ADGRF5: variants seen among roughly 807,000 people sequenced by gnomAD.
The protein encoded by ADGRF5 is G-protein coupled receptor 116.
ADGRF5 carries 75 observed loss-of-function variants against 132.3 expected under a neutral mutation model. That is an observed-to-expected ratio of 0.57 (90% CI 0.47 to 0.69). ADGRF5 has a LOEUF of 0.69. Among genes scored for constraint, ADGRF5 ranks in the 30% least tolerant of loss-of-function variants. The pLI, the probability that ADGRF5 is intolerant of heterozygous loss-of-function variation, is 0.00. For synonymous variants in ADGRF5, 629 were observed against 597.6 expected, an observed-to-expected ratio of 1.05 and a Z score of -0.77; for missense variants, 1,516 against 1,630.6, an observed-to-expected ratio of 0.93 and a Z score of 1.21.
intron 1 of ADGRF5, among the ~76,000 whole-genome samples, chr6:46,912,122 C>T (rs906806142): frequency 6.6e-6 from 1 of 151,986 alleles, no homozygotes; most frequent in Non-Finnish European, 1.5e-5. Flanking sequence ...AAATAACTTG[C>T]CTGAGATAAC....
chr6:46,900,364 C>A (rs1366623759), intron 2 of ADGRF5, among the ~76,000 whole-genome samples: 2 of 152,096 alleles, frequency 1.3e-5, no homozygotes, highest in African/African-American at 4.8e-5. Context: ...AGAGTTCCTG[C>A]AGTTTGAATC....
Position 46,892,575 on chromosome 6 carries a change from C to T in ADGRF5, c.158-4070G>A, listed in dbSNP as rs144521770. Reference sequence around the variant, plus strand: ...GACCTGCCTGGCCAACACAGTGAAACGCCATCTCTACTAAAAATACAAAAA... The same window carrying T: ...GACCTGCCTGGCCAACACAGTGAAATGCCATCTCTACTAAAAATACAAAAA... On this transcript the variant is annotated intron_variant, in intron 3 of 20. Coordinates refer to ENST00000283296, the MANE Select transcript of ADGRF5 (RefSeq NM_001098518.2). Among the ~76,000 whole-genome samples, 1,351 of 152,080 alleles carry T rather than the reference C, an allele frequency of 8.9e-3. 20 individuals are homozygous for T. Among genetic ancestry groups the T allele is most frequent in the African/African-American group, 0.029 (1,199 of 41,490 alleles).
At chr6:46,931,755 T>C (rs1263927713) in intron 1 of ADGRF5, among the ~76,000 whole-genome samples, 5 of 152,006 alleles carry the variant, frequency 3.3e-5, no homozygotes, top group Non-Finnish European at 7.4e-5. Flanking sequence ...AGACTGAGGG[T>C]TTGCATCTCA....
intron 8 of ADGRF5, 51 bp downstream of exon 8, chr6:46,881,404 G>A (rs780546047): frequency 6.6e-7 from 1 of 1,514,438 alleles, no homozygotes; most frequent in Non-Finnish European, 9.1e-7. Flanking sequence ...AATTTCCTAG[G>A]TTTACGCATA....
Position 46,865,122 on chromosome 6 carries a change from G to C in ADGRF5, c.1910C>G (p.Thr637Ser). 6.2e-7 allele frequency: 1 copy of C among 1,610,974 alleles called. No individual in the cohort carries two copies. Among genetic ancestry groups the C allele is most frequent in the East Asian group, 2.2e-5 (1 of 44,860 alleles). Residue 637 changes from threonine to serine, a missense_variant, in exon 14 of 21, where the codon ACT becomes AGT. Around this residue, in one of 2 missense-constraint regions of ADGRF5, gnomAD observed 945 missense variants for 929.4 expected, o/e 1.02. Coordinates refer to ENST00000283296, the MANE Select transcript of ADGRF5 (RefSeq NM_001098518.2). Reference sequence around the variant, plus strand: ...GGTAAAGTGACAACACACATCAACAGTTTTTGAACACCAGGAAACTGAGCT... The same window carrying C: ...GGTAAAGTGACAACACACATCAACACTTTTTGAACACCAGGAAACTGAGCT... The part of the protein sequence containing the change: ...NASSVSWCSK[T>S]VDVCCHFTNA...
chr6:46,874,132 T>G lies in ADGRF5; in HGVS notation c.1241-2119A>C, dbSNP rs138234404. 3.9e-5 allele frequency among the ~76,000 whole-genome samples: 6 copies of G among 152,338 alleles called. No individual in the cohort carries two copies. The East Asian group carries it at 1.2e-3, about 29-fold the overall frequency. ...CCATCTGATGTCCCTCTTTTTACCTTTAAAACCTTACCATTGCCTACAGAA... is the reference window on the plus strand; with the variant it reads ...CCATCTGATGTCCCTCTTTTTACCTGTAAAACCTTACCATTGCCTACAGAA... On this transcript the variant is annotated intron_variant, in intron 10 of 20. Transcript: ENST00000283296.
At position 46,910,520 on chromosome 6, in the gene ADGRF5, T is replaced by C. The variant is rs571012550; in HGVS notation, c.-24-3734A>G. Among the ~76,000 whole-genome samples, 14 of 152,296 alleles carry C rather than the reference T, an allele frequency of 9.2e-5. No individual in the cohort carries two copies. In the South Asian group the frequency reaches 2.9e-3, roughly 32 times the overall value. ...CCCTCTAACCCTCTCAAGGAGCCTC[T>C]GATACTATTAAATTACCCCCATTTT... On this transcript the variant is annotated intron_variant, in intron 1 of 20. Transcript: ENST00000283296.
At chr6:46,886,936 A>C (rs563000250) in intron 4 of ADGRF5, 2 of 152,312 alleles carry the variant, frequency 1.3e-5, no homozygotes, top group Admixed American at 1.3e-4. Context: ...GTGAATGACC[A>C]GTCTTTCTGG....
intron 3 of ADGRF5, among the ~76,000 whole-genome samples, chr6:46,898,817 T>C (rs1408440468): frequency 6.6e-6 from 1 of 152,090 alleles, no homozygotes; most frequent in Non-Finnish European, 1.5e-5. Flanking sequence ...CATCCTAATG[T>C]GATAGGGTAA....
At position 46,856,950 on chromosome 6, in the gene ADGRF5, G is replaced by A. The variant is rs375367913; in HGVS notation, c.3775-42C>T. On this transcript the variant is annotated intron_variant, in intron 17 of 20. Transcript: ENST00000283296. ...TGAAAAGAAGTGCATTTTAATTATA[G>A]TCTATTGTCCAGCAAAGGAGGAAGT... The A allele has an allele frequency of 2.8e-4, 406 of 1,469,538 alleles. 2 individuals are homozygous for A. The African/African-American group carries it at 5.2e-3, about 19-fold the overall frequency. The allele number at this position is 1,469,538 out of a possible 1,614,324, so 91.0% of individuals were successfully genotyped here. A position where few individuals can be genotyped will look rare whatever the true frequency, so the allele number is the denominator to read the frequency against.
chr6:46,942,603 T>C (rs888647948), intron 1 of ADGRF5, among the ~76,000 whole-genome samples: 1 of 152,206 alleles, frequency 6.6e-6, no homozygotes, highest in Admixed American at 6.5e-5. Flanking sequence ...TTGTGAGTAT[T>C]AAGTCCTCCA....
At position 46,887,242 on chromosome 6, in the gene ADGRF5, T is replaced by C. The variant is rs551844927; in HGVS notation, c.328+1093A>G. Among the ~76,000 whole-genome samples the C allele has an allele frequency of 7.2e-5, 11 of 152,312 alleles. No individual in the cohort carries two copies. The South Asian group carries it at 2.3e-3, about 32-fold the overall frequency. On this transcript the variant is annotated intron_variant, in intron 4 of 20. Coordinates refer to ENST00000283296, the MANE Select transcript of ADGRF5 (RefSeq NM_001098518.2). ...TACCAAAAGGTTTCTGTTAAAAAAT[T>C]TGGGAAGCAAAATTGACTAAAATCT...
intron 1 of ADGRF5, among the ~76,000 whole-genome samples, chr6:46,930,100 C>A (rs139800750): frequency 0.014 from 2,123 of 151,734 alleles, 46 homozygotes; most frequent in African/African-American, 0.048. Flanking sequence ...GGATTACAGG[C>A]GTGAGCCACC....
intron 1 of ADGRF5, among the ~76,000 whole-genome samples, chr6:46,942,059 A>G (rs1198799547): frequency 6.6e-6 from 1 of 152,202 alleles, no homozygotes; most frequent in African/African-American, 2.4e-5. Flanking sequence ...GCACCCTGCA[A>G]GCACTGTGTT....
At chr6:46,940,506 T>C (rs1582073368) in intron 1 of ADGRF5, among the ~76,000 whole-genome samples, 1 of 152,268 alleles carries the variant, frequency 6.6e-6, no homozygotes, top group African/African-American at 2.4e-5. Flanking sequence ...AGGATATATT[T>C]CAGCCTTAGC....
chr6:46,937,849 C>T (rs138712005), intron 1 of ADGRF5, among the ~76,000 whole-genome samples: 61 of 152,164 alleles, frequency 4.0e-4, no homozygotes, highest in African/African-American at 1.3e-3. Context: ...CTGGACAAAG[C>T]GATGATTCAC....
intron 1 of ADGRF5, among the ~76,000 whole-genome samples, chr6:46,915,215 G>C (rs12213629): frequency 6.6e-6 from 1 of 151,920 alleles, no homozygotes; most frequent in African/African-American, 2.4e-5. Flanking sequence ...TTTTACATTA[G>C]GTTGTTCTCA....
chr6:46,879,861 C>A lies in ADGRF5; in HGVS notation c.993G>T (p.Ser331=). ...IYTALFNNMT[S]VSKLTIHNIT... is the part of the protein sequence containing the mutation. ...TGTTGTGGATGGTGAGCTTGGACACCGAAGTCATGTTGTTGAAAAGTGCGG... is the reference window on the plus strand; with the variant it reads ...TGTTGTGGATGGTGAGCTTGGACACAGAAGTCATGTTGTTGAAAAGTGCGG... Residue 331 remains serine (S), a synonymous_variant, in exon 9 of 21, where the codon TCG becomes TCT. Coordinates refer to ENST00000283296, the MANE Select transcript of ADGRF5 (RefSeq NM_001098518.2). 1 of 1,614,048 alleles carries A rather than the reference C, an allele frequency of 6.2e-7. No homozygotes were observed. Among genetic ancestry groups the A allele is most frequent in the East Asian group, 2.2e-5 (1 of 44,878 alleles).
At chr6:46,942,174 C>A (rs1778114292) in intron 1 of ADGRF5, among the ~76,000 whole-genome samples, 1 of 152,184 alleles carries the variant, frequency 6.6e-6, no homozygotes, top group South Asian at 2.1e-4. Context: ...CCTCCCATCA[C>A]CTCCTCCCCC....
Sources: allele counts gnomAD v4.1 joint callset (sites outside exome capture counted in the v4.1 genomes callset), GRCh38; gene constraint gnomAD v4.1.1; regional missense constraint gnomAD v4.1.1; transcripts MANE v1.5; gene names NCBI Gene and HGNC (gene_info 2026-07-23, HGNC 2026-07-21).